MROH7: variants seen among roughly 807,000 people sequenced by gnomAD.
MROH7 encodes the protein maestro heat-like repeat-containing protein family member 7.
In MROH7, 113 loss-of-function variants were observed where a neutral mutation model predicts 129.2. The ratio of observed to expected loss-of-function variants is 0.87; its 90% CI spans 0.75 to 1.02. MROH7 has a LOEUF of 1.02. Among genes scored for constraint, MROH7 ranks in the 50% least tolerant of loss-of-function variants. The pLI is 0.00. For missense variants in MROH7, 1,601 were observed against 1,671.3 expected, an observed-to-expected ratio of 0.96 and a Z score of 0.73; for synonymous variants, 655 against 667.9, an observed-to-expected ratio of 0.98 and a Z score of 0.30.
chr1:54,688,392 C>A (rs928739013), intron 15 of MROH7, among the ~76,000 whole-genome samples: 4 of 151,822 alleles, frequency 2.6e-5, no homozygotes, highest in African/African-American at 9.7e-5. Flanking sequence ...TTTTATGTAG[C>A]CAAGTTTATC....
chr1:54,686,111 G>C (rs1372433593), intron 14 of MROH7, 147 bp from the exon 15 acceptor site: 8 of 632,186 alleles, frequency 1.3e-5, no homozygotes, highest in African/African-American at 5.5e-5. Context: ...TTTGGGGCTG[G>C]GGGGTGGGGA....
chr1:54,642,710 G>A (rs1438285051), intron 1 of MROH7, among the ~76,000 whole-genome samples: 1 of 152,012 alleles, frequency 6.6e-6, no homozygotes, highest in Admixed American at 6.6e-5. Context: ...CAACCTCCCC[G>A]GCTCCAGTGA....
At chr1:54,682,943 C>G in intron 14 of MROH7, 149 bp downstream of exon 14, 1 of 846,944 alleles carries the variant, frequency 1.2e-6, no homozygotes, top group South Asian at 1.8e-5. Flanking sequence ...GGCTCTGGCT[C>G]TTGTCTGTGG....
chr1:54,673,765 T>G lies in MROH7; in HGVS notation c.1760T>G (p.Val587Gly). The part of the protein sequence containing the change: ...HERARAVNTN[V>G]SVLNHMLLTL... ...CGAGCACGGGCTGTGAACACCAATG[T>G]CTCTGTGTTGAACCACATGCTTCTA... is the stretch of plus-strand genomic sequence containing the variant. The change falls in exon 9 of 24, where the codon GTC (valine) becomes GGC (glycine). Residue 587 changes from valine to glycine, a missense_variant. Val to Gly is a moderately radical substitution (Grantham distance 109, BLOSUM62 -3). Coordinates refer to ENST00000421030, the MANE Select transcript of MROH7 (RefSeq NM_001039464.4). 1 of 1,614,138 alleles carries G rather than the reference T, an allele frequency of 6.2e-7. No individual in the cohort carries two copies. The highest frequency in any genetic ancestry group is 8.5e-7 in the Non-Finnish European group (1 of 1,180,002).
intron 7 of MROH7, among the ~76,000 whole-genome samples, chr1:54,672,022 G>A (rs940526835): frequency 5.3e-5 from 8 of 152,040 alleles, no homozygotes; most frequent in Non-Finnish European, 1.0e-4. Context: ...GTGGCAGAAG[G>A]AATAGCATTC....
chr1:54,688,853 T>C (rs1172251500), intron 15 of MROH7, among the ~76,000 whole-genome samples: 18 of 152,134 alleles, frequency 1.2e-4, no homozygotes, highest in Admixed American at 1.1e-3. Context: ...AAAAAATTCT[T>C]GACCTTGGAG....
rs777960395 is a variant in MROH7 at position 54,673,284 on chromosome 1, T to C, written c.1695+98T>C. The C allele has an allele frequency of 2.6e-5, 23 of 892,494 alleles. No individual in the cohort carries two copies. In the South Asian group the frequency reaches 3.3e-4, roughly 13 times the overall value. The allele number at this position is 892,494 out of a possible 1,614,324, so 55.3% of individuals were successfully genotyped here. On this transcript the variant is annotated intron_variant, in intron 8 of 23. Transcript: ENST00000421030. ...GTGGAGGCCAGACCTAGGAGTGATT[T>C]GGCTTCAGGATGTCATCTTGTGTGA...
At chr1:54,699,094 T>TTTCC (rs1645371323) in intron 17 of MROH7, 1 of 98,232 alleles carries the variant, frequency 1.0e-5, no homozygotes, top group African/African-American at 4.2e-5. Flanking sequence ...TTGCCTGGCC[T>TTTCC]TTTCTTTCTT....
chr1:54,647,040 A>G (rs981819153), intron 1 of MROH7, among the ~76,000 whole-genome samples: 4 of 152,238 alleles, frequency 2.6e-5, no homozygotes, highest in African/African-American at 9.6e-5. Flanking sequence ...TCCATTAATC[A>G]GTATGTGGCT....
Position 54,706,444 on chromosome 1 carries a change from C to T in MROH7, c.3574C>T (p.His1192Tyr). 6.2e-7 allele frequency: 1 copy of T among 1,613,474 alleles called. No individual in the cohort carries two copies. Among genetic ancestry groups the T allele is most frequent in the Non-Finnish European group, 8.5e-7 (1 of 1,179,732 alleles). The change falls in exon 22 of 24, where the codon CAC (histidine) becomes TAC (tyrosine). Residue 1192 changes from histidine (H) to tyrosine (Y), a missense_variant. Physicochemically the swap from His to Tyr is moderately conservative, Grantham distance 83. Transcript: ENST00000421030. ...AKICKCLVNT[H>Y]RDSAFIFLSQ... is the part of the protein sequence containing the mutation. Reference sequence around the variant, plus strand: ...TTTCTCTTTGTCCTAGGTGAACACCCACCGAGACAGCGCCTTCATATTCCT... The same window carrying T: ...TTTCTCTTTGTCCTAGGTGAACACCTACCGAGACAGCGCCTTCATATTCCT...
chr1:54,665,226 A>G lies in MROH7; in HGVS notation c.1291A>G (p.Asn431Asp). 1 of 1,613,858 alleles carries G rather than the reference A, an allele frequency of 6.2e-7. No individual in the cohort carries two copies. Among genetic ancestry groups the G allele is most frequent in the Admixed American group, 1.7e-5 (1 of 60,008 alleles). The change falls in exon 4 of 24, where the codon AAC (asparagine) becomes GAC (aspartate). Residue 431 changes from asparagine to aspartate, a missense_variant. By Grantham distance (23) the Asn-to-Asp change is conservative (BLOSUM62 1). Coordinates refer to ENST00000421030, the MANE Select transcript of MROH7 (RefSeq NM_001039464.4). Reference protein sequence around the residue: ...VKVPEKTEGGNNMALVENVTT... With the variant: ...VKVPEKTEGGDNMALVENVTT... ...GGTGCCAGAGAAGACAGAAGGTGGC[A>G]ACAACATGGCTCTGGTATGCCTCCT...
intron 14 of MROH7, among the ~76,000 whole-genome samples, chr1:54,685,424 A>G (rs917895385): frequency 2.6e-5 from 4 of 152,214 alleles, no homozygotes; most frequent in African/African-American, 9.6e-5. Context: ...TGGCCGGATG[A>G]TGATCAGTGA....
intron 17 of MROH7, 141 bp from the exon 18 acceptor site, chr1:54,700,180 C>A: frequency 9.3e-7 from 1 of 1,072,704 alleles, no homozygotes; most frequent in Non-Finnish European, 1.4e-6. Context: ...ACGGAGACTT[C>A]CAGCAATCTG....
At chr1:54,659,632 T>C (rs1424386304) in intron 3 of MROH7, among the ~76,000 whole-genome samples, 6 of 152,290 alleles carry the variant, frequency 3.9e-5, no homozygotes, top group Non-Finnish European at 7.4e-5. Flanking sequence ...TTTGTATTTT[T>C]AGTAGAGACA....
intron 15 of MROH7, among the ~76,000 whole-genome samples, chr1:54,688,598 G>A (rs1645186776): frequency 6.6e-6 from 1 of 152,072 alleles, no homozygotes; most frequent in South Asian, 2.1e-4. Flanking sequence ...TTACCTCTTG[G>A]CAGTTGGTTT....
At chr1:54,644,671 A>G (rs1460483408) in intron 1 of MROH7, among the ~76,000 whole-genome samples, 1 of 83,254 alleles carries the variant, frequency 1.2e-5, no homozygotes, top group Non-Finnish European at 2.8e-5. Flanking sequence ...TTTTTAATGT[A>G]AAAAAAAAAA....
intron 22 of MROH7, among the ~76,000 whole-genome samples, chr1:54,707,502 C>T (rs930670696): frequency 2.0e-5 from 3 of 152,078 alleles, no homozygotes; most frequent in Admixed American, 6.6e-5. Context: ...GAAGGTGTGG[C>T]GATAGGGGGT....
chr1:54,701,399 C>G, intron 19 of MROH7, 77 bp downstream of exon 19: 11 of 1,306,898 alleles, frequency 8.4e-6, no homozygotes, highest in Non-Finnish European at 1.0e-5. Flanking sequence ...TGCATTTCCA[C>G]CTGTGCCCCC....
intron 10 of MROH7, among the ~76,000 whole-genome samples, chr1:54,677,225 C>A (rs1176938763): frequency 6.6e-6 from 1 of 152,104 alleles, no homozygotes; most frequent in East Asian, 1.9e-4. Context: ...AAGGTGACAC[C>A]CTGTCTCTAC....
Sources: gnomAD v4.1 joint callset for allele counts (sites outside exome capture counted in the v4.1 genomes callset) on GRCh38, gnomAD v4.1.1 for gene constraint, MANE v1.5 for transcripts, NCBI Gene and HGNC (gene_info 2026-07-23, HGNC 2026-07-21) for gene names.